The following ZDHHC5 variants were observed in gnomAD, a reference collection of about 807,000 sequenced individuals.
ZDHHC5 encodes zDHHC palmitoyltransferase 5, also known as palmitoyltransferase ZDHHC5.
In ZDHHC5, 22 loss-of-function variants were observed where a neutral mutation model predicts 70.0. That is an observed-to-expected ratio of 0.31 (90% CI 0.22 to 0.45). The LOEUF (loss-of-function observed/expected upper bound fraction) is 0.45. ZDHHC5 is among the 20% of genes least tolerant of loss of function. ZDHHC5 has a pLI of 1.00. For synonymous variants in ZDHHC5, 313 were observed against 347.8 expected, an observed-to-expected ratio of 0.90 and a Z score of 1.11; for missense variants, 746 against 926.9, an observed-to-expected ratio of 0.80 and a Z score of 2.53.
rs575392254 is a variant in ZDHHC5, at chr11:57,696,909, C to T, written c.1122+36C>T. Reference sequence around the variant, plus strand: ...CTCTAAGAGGTGGGGTAATAACATGCCAACTGGCCAGGCACAGTGGCTCAT... The same window carrying T: ...CTCTAAGAGGTGGGGTAATAACATGTCAACTGGCCAGGCACAGTGGCTCAT... On this transcript the variant is annotated intron_variant, in intron 10 of 11. Transcript: ENST00000287169. 1.3e-5 allele frequency: 21 copies of T among 1,602,098 alleles called. No individual in the cohort carries two copies. In the African/African-American group the frequency reaches 2.8e-4, roughly 21 times the overall value.
rs990676055 is a variant in ZDHHC5 at position 57,682,512 on chromosome 11, C to T, written c.195C>T (p.Ala65=). 2.5e-6 allele frequency: 4 copies of T among 1,614,012 alleles called. No individual in the cohort carries two copies. Among genetic ancestry groups the T allele is most frequent in the Non-Finnish European group, 3.4e-6 (4 of 1,180,018 alleles). Residue 65 remains alanine (A), a synonymous_variant, in exon 3 of 12, where the codon GCC becomes GCT. Coordinates refer to ENST00000287169, the MANE Select transcript of ZDHHC5 (RefSeq NM_015457.3). Reference sequence around the variant, plus strand: ...TTGTGTTGGCCAACTTCAGCATGGCCACCTTCATGGACCCAGGGATTTTCC... The same window carrying T: ...TTGTGTTGGCCAACTTCAGCATGGCTACCTTCATGGACCCAGGGATTTTCC... ...FLFVLANFSM[A]TFMDPGIFPR...
At chr11:57,687,312 T>G (rs1946219605) in intron 3 of ZDHHC5, among the ~76,000 whole-genome samples, 1 of 152,172 alleles carries the variant, frequency 6.6e-6, no homozygotes, top group Admixed American at 6.6e-5. Context: ...GGCCCATGCT[T>G]GTAATCTTAA....
chr11:57,683,265 A>G (rs1946170233), intron 3 of ZDHHC5, among the ~76,000 whole-genome samples: 1 of 152,242 alleles, frequency 6.6e-6, no homozygotes, highest in African/African-American at 2.4e-5. Context: ...GAGGTCTTTA[A>G]TTGGAGGACT....
chr11:57,688,765 C>T (rs1946244073), intron 4 of ZDHHC5, 100 bp downstream of exon 4: 3 of 1,344,722 alleles, frequency 2.2e-6, no homozygotes, highest in Admixed American at 2.9e-5. Flanking sequence ...ATAGTCCTGT[C>T]TAACTACGTT....
At chr11:57,683,583 T>C (rs1485870101) in intron 3 of ZDHHC5, among the ~76,000 whole-genome samples, 1 of 152,184 alleles carries the variant, frequency 6.6e-6, no homozygotes, top group Admixed American at 6.5e-5. Context: ...AAATAAATAC[T>C]CTTAGACATG....
intron 3 of ZDHHC5, among the ~76,000 whole-genome samples, chr11:57,686,017 T>A (rs1009071475): frequency 2.0e-5 from 3 of 152,102 alleles, no homozygotes; most frequent in Admixed American, 1.3e-4. Flanking sequence ...TGAGACTACA[T>A]CTCAAAACAA....
intron 1 of ZDHHC5, among the ~76,000 whole-genome samples, chr11:57,669,932 C>G (rs1262585712): frequency 1.3e-5 from 2 of 152,188 alleles, no homozygotes; most frequent in Non-Finnish European, 1.5e-5. Flanking sequence ...GATTTCCCTT[C>G]TACTGTGTAG....
At chr11:57,681,258 C>G (rs1266789794) in intron 2 of ZDHHC5, among the ~76,000 whole-genome samples, 3 of 152,124 alleles carry the variant, frequency 2.0e-5, no homozygotes, top group African/African-American at 4.8e-5. Flanking sequence ...TCACAGAATC[C>G]CAGACTGCTG....
At chr11:57,695,247 C>T (rs1248563992) in intron 8 of ZDHHC5, among the ~76,000 whole-genome samples, 1 of 151,518 alleles carries the variant, frequency 6.6e-6, no homozygotes, top group Non-Finnish European at 1.5e-5. Flanking sequence ...GGCAACAAGA[C>T]CGAAACTCCA....
intron 6 of ZDHHC5, among the ~76,000 whole-genome samples, chr11:57,691,903 C>T (rs1296524724): frequency 6.6e-6 from 1 of 151,890 alleles, no homozygotes; most frequent in African/African-American, 2.4e-5. Context: ...CAATGAAAGA[C>T]TTAGGCTAGC....
At chr11:57,683,289 C>G (rs1353977078) in intron 3 of ZDHHC5, among the ~76,000 whole-genome samples, 2 of 152,172 alleles carry the variant, frequency 1.3e-5, no homozygotes, top group African/African-American at 4.8e-5. Flanking sequence ...CATCAGAATT[C>G]CTTTTAGAAA....
Position 57,698,836 on chromosome 11 carries a change from G to A in ZDHHC5, c.1400G>A (p.Ser467Asn), listed in dbSNP as rs756538740. 2 of 1,614,220 alleles carry A rather than the reference G, an allele frequency of 1.2e-6. No individual in the cohort carries two copies. Among genetic ancestry groups the A allele is most frequent in the Non-Finnish European group, 1.7e-6 (2 of 1,180,042 alleles). ...KSLANQTRNGSLSYDSLLTPS... is the reference protein window; with the variant it reads ...KSLANQTRNGNLSYDSLLTPS... The stretch of plus-strand genomic sequence containing the variant: ...CTGGCCAACCAGACACGCAATGGAA[G>A]CCTATCTTATGACAGCTTGCTCACA... Residue 467 changes from serine (S) to asparagine (N), a missense_variant, in exon 11 of 12, where the codon AGC (serine) becomes AAC (asparagine). Transcript: ENST00000287169.
intron 10 of ZDHHC5, among the ~76,000 whole-genome samples, chr11:57,698,304 T>G (rs1590873021): frequency 1.3e-5 from 2 of 152,224 alleles, no homozygotes; most frequent in South Asian, 4.1e-4. Flanking sequence ...AGATTAGTGC[T>G]TGATCCGAGT....
intron 4 of ZDHHC5, among the ~76,000 whole-genome samples, chr11:57,689,060 AT>A (rs1465920836): frequency 6.6e-6 from 1 of 152,016 alleles, no homozygotes; most frequent in Admixed American, 6.6e-5. Context: ...TGACACCAAG[AT>A]TTATAGTTCT....
Position 57,682,361 on chromosome 11 carries a change from A to G in ZDHHC5, c.105-61A>G, listed in dbSNP as rs997141881. 10 of 1,544,688 alleles carry G rather than the reference A, an allele frequency of 6.5e-6. No individual in the cohort carries two copies. The East Asian group carries it at 2.3e-4, about 36-fold the overall frequency. ...GGGCTAAGTCTTTACAGATTTTTGTATGTATGGTTCGTGTCCAAAATATTA... is the reference window on the plus strand; with the variant it reads ...GGGCTAAGTCTTTACAGATTTTTGTGTGTATGGTTCGTGTCCAAAATATTA... On this transcript the variant is annotated intron_variant, in intron 2 of 11. Coordinates refer to ENST00000287169, the MANE Select transcript of ZDHHC5 (RefSeq NM_015457.3).
chr11:57,673,353 A>T (rs1395279455), intron 2 of ZDHHC5, among the ~76,000 whole-genome samples, 159 bp downstream of exon 2: 2 of 152,174 alleles, frequency 1.3e-5, no homozygotes, highest in East Asian at 3.9e-4. Flanking sequence ...GAAAAATGAG[A>T]AAAAGCCTGT....
chr11:57,682,957 A>T (rs1273244682), intron 3 of ZDHHC5, among the ~76,000 whole-genome samples: 1 of 152,242 alleles, frequency 6.6e-6, no homozygotes, highest in Non-Finnish European at 1.5e-5. Context: ...GTTCTGTGAG[A>T]ATACAAACAA....
chr11:57,675,158 A>G lies in ZDHHC5; in HGVS notation c.104+1964A>G, dbSNP rs191188848. 3.3e-5 allele frequency among the ~76,000 whole-genome samples: 5 copies of G among 152,304 alleles called. No individual in the cohort carries two copies. The East Asian group carries it at 7.7e-4, about 23-fold the overall frequency. On this transcript the variant is annotated intron_variant, in intron 2 of 11. Transcript: ENST00000287169. ...GTAGCAATTTTGGTTCTGGGTCAAG[A>G]GGGGTATGTACAAGACCAGTTTGAC...
At chr11:57,686,295 T>G (rs923535753) in intron 3 of ZDHHC5, among the ~76,000 whole-genome samples, 2 of 152,092 alleles carry the variant, frequency 1.3e-5, no homozygotes, top group Non-Finnish European at 2.9e-5. Flanking sequence ...AGCATTTGAA[T>G]TTTTTCCCTT....
Sources: gnomAD v4.1 joint callset for allele counts (sites outside exome capture counted in the v4.1 genomes callset) on GRCh38, gnomAD v4.1.1 for gene constraint, MANE v1.5 for transcripts, NCBI Gene and HGNC (gene_info 2026-07-23, HGNC 2026-07-21) for gene names.